The following STXBP2 variants were observed in gnomAD, a reference collection of about 807,000 sequenced individuals.
The protein encoded by STXBP2 is syntaxin-binding protein 2.
A neutral mutation model predicts 72.2 loss-of-function variants in STXBP2; 47 were observed. The observed-to-expected ratio is 0.65, with a 90% CI of 0.51 to 0.83. The LOEUF is 0.83. Among genes scored for constraint, STXBP2 ranks in the 40% least tolerant of loss-of-function variants. The probability of loss-of-function intolerance (pLI) is 0.00; values close to 1 mark genes in which losing one functional copy is unlikely to be tolerated. For missense variants in STXBP2, 702 were observed against 807.6 expected, an observed-to-expected ratio of 0.87 and a Z score of 1.58; for synonymous variants, 367 against 338.7, an observed-to-expected ratio of 1.08 and a Z score of -0.92.
Position 7,642,322 on chromosome 19 carries a change from G to A in STXBP2, c.783G>A (p.Gln261=). The part of the protein sequence containing the change: ...AMAYDLLDIE[Q]DTYRYETTGL... ...CGTATGATCTGCTGGACATAGAGCAGGACACATACAGGTCTGCAGACTTGG... is the reference window on the plus strand; with the variant it reads ...CGTATGATCTGCTGGACATAGAGCAAGACACATACAGGTCTGCAGACTTGG... Residue 261 remains glutamine, a synonymous_variant, in exon 9 of 19, where the codon CAG becomes CAA. Coordinates refer to ENST00000221283, the MANE Select transcript of STXBP2 (RefSeq NM_006949.4). This position sits in a 1 kb window ranked among gnomAD's most constrained non-coding sequence, Gnocchi z 6.0. 1 of 1,614,096 alleles carries A rather than the reference G, an allele frequency of 6.2e-7. No homozygotes were observed. Among genetic ancestry groups the A allele is most frequent in the East Asian group, 2.2e-5 (1 of 44,880 alleles).
intron 4 of STXBP2, chr19:7,640,231 CGT>C (rs370913518): frequency 0.013 from 5,596 of 445,192 alleles, 60 homozygotes; most frequent in African/African-American, 0.06. Flanking sequence ...TCTGTGTGTG[CGT>C]CTGTGTGTAT....
the STXBP2 span, chr19:7,631,511 G>T: frequency 6.5e-7 from 1 of 1,536,154 alleles, no homozygotes. Flanking sequence ...GGTTACGGAA[G>T]CGGCGGGAGG....
rs766231044 is a variant in STXBP2, at chr19:7,643,264, G to A, written c.1107+19G>A. The A allele has an allele frequency of 2.5e-6, 4 of 1,612,156 alleles. 1 individual carries two copies. In the South Asian group the frequency reaches 4.4e-5, roughly 18 times the overall value. Reference sequence around the variant, plus strand: ...GGAGCAGGTGGGGCAGGGCTTGCGGGGGGCAGGGGTGATGGTCCTGCCAAG... The same window carrying A: ...GGAGCAGGTGGGGCAGGGCTTGCGGAGGGCAGGGGTGATGGTCCTGCCAAG... On this transcript the variant is annotated intron_variant, in intron 13 of 18. Coordinates refer to ENST00000221283, the MANE Select transcript of STXBP2 (RefSeq NM_006949.4).
Position 7,647,709 on chromosome 19 carries a change from C to G in STXBP2, c.1697-16C>G. The G allele has an allele frequency of 6.2e-7, 1 of 1,613,986 alleles. No individual in the cohort carries two copies. Among genetic ancestry groups the G allele is most frequent in the Non-Finnish European group, 8.5e-7 (1 of 1,179,878 alleles). Reference sequence around the variant, plus strand: ...GCGCCCCCCAACATCTTCCCCAAACCTCTGCCCCTGCACAGGCTCCTCACA... The same window carrying G: ...GCGCCCCCCAACATCTTCCCCAAACGTCTGCCCCTGCACAGGCTCCTCACA... On this transcript the variant is annotated splice_polypyrimidine_tract_variant and intron_variant, in intron 18 of 18. Transcript: ENST00000221283.
chr19:7,630,086 G>A, the STXBP2 span: 6 of 529,772 alleles, frequency 1.1e-5, no homozygotes, highest in Non-Finnish European at 2.0e-5. Flanking sequence ...GGGCTGGTCC[G>A]AGGAAGGACC....
intron 12 of STXBP2, 27 bp downstream of exon 12, chr19:7,643,075 G>T (rs770629498): frequency 1.2e-6 from 2 of 1,614,022 alleles, no homozygotes; most frequent in Admixed American, 3.3e-5. Context: ...AGGGAGCGGG[G>T]ACACCTCGGC....
At chr19:7,646,009 C>G in intron 15 of STXBP2, 1 of 585,504 alleles carries the variant, frequency 1.7e-6, no homozygotes, top group Non-Finnish European at 3.1e-6. Context: ...CTATCTCTGC[C>G]TCTGTCTTTG....
chr19:7,639,689 C>G (rs368206792), intron 3 of STXBP2, 42 bp from the exon 4 acceptor site: 1 of 1,602,098 alleles, frequency 6.2e-7, no homozygotes, highest in African/African-American at 1.3e-5. Context: ...GTGGCCCTGC[C>G]TGGATGCCAC....
At chr19:7,636,623 A>G (rs73921481), upstream of STXBP2, 2,231 of 149,960 alleles carry the variant, frequency 0.015, 47 homozygotes, top group African/African-American at 0.053. Context: ...GGCAGGACTG[A>G]ATGAAAATTA....
chr19:7,646,423 A>G lies in STXBP2; in HGVS notation c.1452+79A>G, dbSNP rs566044186. The G allele has an allele frequency of 3.1e-6, 4 of 1,303,084 alleles. No individual in the cohort carries two copies. The South Asian group carries it at 5.0e-5, about 16-fold the overall frequency. 80.7% of individuals were successfully genotyped at this position (1,303,084 alleles called of 1,614,324 possible). A position where few individuals can be genotyped will look rare whatever the true frequency, so the allele number is the denominator to read the frequency against. ...CAGCCTCCCTCCTGCTGAGGTGCTAAGCCTCAGGGCTTAGGGGAAAATGCT... is the reference window on the plus strand; with the variant it reads ...CAGCCTCCCTCCTGCTGAGGTGCTAGGCCTCAGGGCTTAGGGGAAAATGCT... On this transcript the variant is annotated intron_variant, in intron 16 of 18. Coordinates refer to ENST00000221283, the MANE Select transcript of STXBP2 (RefSeq NM_006949.4).
upstream of STXBP2, among the ~76,000 whole-genome samples, chr19:7,634,826 G>A (rs2031466189): frequency 1.3e-5 from 2 of 152,192 alleles, no homozygotes; most frequent in South Asian, 2.1e-4. Context: ...CGTCCTTGAT[G>A]TCCTTGGCTT....
rs762517510 is a variant in STXBP2, at chr19:7,642,951, C to A, written c.961-32C>A. On this transcript the variant is annotated intron_variant, in intron 11 of 18. Transcript: ENST00000221283. This position sits in a 1 kb window ranked among gnomAD's most constrained non-coding sequence, Gnocchi z 6.0. Reference sequence around the variant, plus strand: ...GTGGGCACTGCCTGGCTTCGCCCCCCAATCCCTACCCTCTTCCCCCTACTT... The same window carrying A: ...GTGGGCACTGCCTGGCTTCGCCCCCAAATCCCTACCCTCTTCCCCCTACTT... The A allele has an allele frequency of 1.9e-6, 3 of 1,613,998 alleles. No homozygotes were observed. The highest frequency in any genetic ancestry group is 2.5e-6 in the Non-Finnish European group (3 of 1,179,854).
chr19:7,630,946 AT>A, the STXBP2 span: 116 of 1,421,878 alleles, frequency 8.2e-5, no homozygotes, highest in Non-Finnish European at 1.1e-4. Context: ...GCAGTGGCTC[AT>A]GCTTGTAATC....
chr19:7,633,035 G>T (rs1272588014), upstream of STXBP2: 37 of 1,425,330 alleles, frequency 2.6e-5, no homozygotes, highest in Admixed American at 5.2e-4. Context: ...CGCCCCAGGG[G>T]CCCTGGCCAG....
In STXBP2 at chr19:7,647,749, C is replaced by A; in HGVS notation, c.1721C>A (p.Thr574Asn). The A allele has an allele frequency of 1.9e-6, 3 of 1,614,128 alleles. No homozygotes were observed. The highest frequency in any genetic ancestry group is 2.5e-6 in the Non-Finnish European group (3 of 1,180,006). The change falls in exon 19 of 19, where the codon ACC (threonine) becomes AAC (asparagine). Residue 574 changes from threonine to asparagine, a missense_variant. By Grantham distance (65) the Thr-to-Asn change is moderately conservative. Transcript: ENST00000221283. The stretch of plus-strand genomic sequence containing the variant: ...GGCTCCTCACACATCCTCACCCCGA[C>A]CCGCTTCCTGGATGACCTGAAGGCA... ...LIGSSHILTP[T>N]RFLDDLKALD...
chr19:7,631,409 T>TGGGGGGGGGGGGGGGGGGGGGGG, the STXBP2 span: 5 of 639,594 alleles, frequency 7.8e-6, no homozygotes, highest in Non-Finnish European at 1.1e-5. Flanking sequence ...CGGGGGGGGG[T>TGGGGGGGGGGGGGGGGGGGGGGG]GGTCCCGGCT....
At chr19:7,641,606 A>C in intron 6 of STXBP2, 99 bp from the exon 7 acceptor site, 1 of 1,500,190 alleles carries the variant, frequency 6.7e-7, no homozygotes, top group Non-Finnish European at 9.1e-7. Flanking sequence ...TTCAGGGACC[A>C]GGGACGGCTC....
chr19:7,643,237 G>A lies in STXBP2; in HGVS notation c.1099G>A (p.Val367Met), dbSNP rs758844500. The change falls in exon 13 of 19, where the codon GTG becomes ATG. Residue 367 changes from valine to methionine, a missense_variant. Val to Met is a conservative substitution (Grantham distance 21). Coordinates refer to ENST00000221283, the MANE Select transcript of STXBP2 (RefSeq NM_006949.4). Reference protein sequence around the residue: ...FKGSVEKLCSVEQDLAMGSDA... With the variant: ...FKGSVEKLCSMEQDLAMGSDA... The stretch of plus-strand genomic sequence containing the variant: ...GGGCTCGGTGGAGAAGCTGTGTAGT[G>A]TGGAGCAGGTGGGGCAGGGCTTGCG... 2 of 1,613,772 alleles carry A rather than the reference G, an allele frequency of 1.2e-6. No homozygotes were observed. Among genetic ancestry groups the A allele is most frequent in the South Asian group, 1.1e-5 (1 of 91,068 alleles).
At chr19:7,630,548 C>T in the STXBP2 span, 2 of 1,517,842 alleles carry the variant, frequency 1.3e-6, no homozygotes, top group South Asian at 2.4e-5. Flanking sequence ...GGGGAGCTCA[C>T]CTCACCCACC....
Sources: gnomAD v4.1 joint callset for allele counts (sites outside exome capture counted in the v4.1 genomes callset) on GRCh38, gnomAD v4.1.1 for gene constraint, Gnocchi (gnomAD v3.1) non-coding constraint, MANE v1.5 for transcripts, NCBI Gene and HGNC (gene_info 2026-07-23, HGNC 2026-07-21) for gene names.